The following CNTN1 variants were observed in gnomAD, a reference collection of about 807,000 sequenced individuals.
CNTN1 encodes the protein contactin 1, also known as contactin-1.
CNTN1 carries 38 observed loss-of-function variants against 126.4 expected under a neutral mutation model. The observed-to-expected ratio is 0.30, with a 90% CI of 0.23 to 0.39. The LOEUF is 0.39. CNTN1 is among the 10% of genes least tolerant of loss of function. CNTN1 has a pLI of 1.00. For missense variants in CNTN1, 1,009 were observed against 1,248.4 expected, an observed-to-expected ratio of 0.81 and a Z score of 2.89; for synonymous variants, 413 against 422.6, an observed-to-expected ratio of 0.98 and a Z score of 0.28.
intron 1 of CNTN1, among the ~76,000 whole-genome samples, chr12:40,907,069 G>A (rs1358131970): frequency 6.6e-6 from 1 of 152,146 alleles, no homozygotes; most frequent in South Asian, 2.1e-4. Context: ...ATGATTTAAT[G>A]TCTTTTCAAG....
chr12:41,023,302 T>C (rs928711506), intron 20 of CNTN1, among the ~76,000 whole-genome samples: 1 of 152,234 alleles, frequency 6.6e-6, no homozygotes, highest in Admixed American at 6.5e-5. Flanking sequence ...CAAATGAGAA[T>C]TGTGAGCAAT....
At chr12:40,940,761 A>G (rs1451121954) in intron 12 of CNTN1, among the ~76,000 whole-genome samples, 1 of 152,144 alleles carries the variant, frequency 6.6e-6, no homozygotes, top group Non-Finnish European at 1.5e-5. Flanking sequence ...TGACTTTTAA[A>G]GTTAATATGT....
At chr12:40,795,303 ACACACACACACACACATTT>A (rs1565746457) in intron 1 of CNTN1, among the ~76,000 whole-genome samples, 1 of 15,718 alleles carries the variant, frequency 6.4e-5, no homozygotes, top group Non-Finnish European at 1.6e-4. Context: ...ACACACACAC[ACACACACACACACACATTT>A]TTTTTTTTTT....
At chr12:41,024,673 G>A (rs566038953) in intron 20 of CNTN1, among the ~76,000 whole-genome samples, 28 of 152,240 alleles carry the variant, frequency 1.8e-4, no homozygotes, top group Non-Finnish European at 3.2e-4. Flanking sequence ...TTACTTTAGC[G>A]TATTCTAGGC....
In CNTN1 at chr12:40,913,055, T is replaced by C. The variant is rs549930914; in HGVS notation, c.94+2950T>C. On this transcript the variant is annotated intron_variant, in intron 3 of 23. Transcript: ENST00000551295. Reference sequence around the variant, plus strand: ...CAAGGAAGTAGTTCCTCTAGAGAGATGTGACAGGCTCCCCTTGGGCAGGTA... The same window carrying C: ...CAAGGAAGTAGTTCCTCTAGAGAGACGTGACAGGCTCCCCTTGGGCAGGTA... Among the ~76,000 whole-genome samples, 7 of 152,338 alleles carry C rather than the reference T, an allele frequency of 4.6e-5. No homozygotes were observed. In the South Asian group the frequency reaches 1.4e-3, roughly 32 times the overall value.
chr12:40,966,780 T>TAGA (rs1435177227), intron 15 of CNTN1, among the ~76,000 whole-genome samples: 1 of 152,210 alleles, frequency 6.6e-6, no homozygotes, highest in Non-Finnish European at 1.5e-5. Flanking sequence ...AAGATAGGTC[T>TAGA]TGAAAATTAT....
intron 23 of CNTN1, among the ~76,000 whole-genome samples, chr12:41,048,808 C>CA (rs1247372937): frequency 1.1e-4 from 16 of 151,756 alleles, no homozygotes; most frequent in Admixed American, 7.2e-4. Context: ...CGAAGAAAAA[C>CA]AAAAAAAGAA....
At chr12:40,990,632 T>C (rs530259178) in intron 16 of CNTN1, among the ~76,000 whole-genome samples, 1 of 152,312 alleles carries the variant, frequency 6.6e-6, no homozygotes, top group East Asian at 1.9e-4. Flanking sequence ...TTCCATTTGT[T>C]TGGGATATTT....
chr12:40,769,217 G>A (rs1314977903), intron 1 of CNTN1, among the ~76,000 whole-genome samples: 4 of 152,020 alleles, frequency 2.6e-5, no homozygotes, highest in Non-Finnish European at 5.9e-5. Context: ...ATAAAAATAA[G>A]CAGAATAATT....
At chr12:40,736,260 TA>T (rs1456667733) in intron 1 of CNTN1, among the ~76,000 whole-genome samples, 2 of 152,066 alleles carry the variant, frequency 1.3e-5, no homozygotes, top group Non-Finnish European at 2.9e-5. Context: ...TAGGCACAAG[TA>T]AAATGGACAG....
chr12:40,804,326 G>T (rs1940764654), intron 1 of CNTN1, among the ~76,000 whole-genome samples: 1 of 151,940 alleles, frequency 6.6e-6, no homozygotes. Flanking sequence ...TACATAAACA[G>T]TTCACAAGCC....
At chr12:41,005,540 A>T (rs1948468791) in intron 17 of CNTN1, among the ~76,000 whole-genome samples, 1 of 152,142 alleles carries the variant, frequency 6.6e-6, no homozygotes, top group Admixed American at 6.5e-5. Context: ...AGTTAGTTCC[A>T]TTCTTCCCAT....
At chr12:40,833,361 G>T (rs755051907) in intron 1 of CNTN1, among the ~76,000 whole-genome samples, 24 of 152,104 alleles carry the variant, frequency 1.6e-4, no homozygotes, top group Non-Finnish European at 3.5e-4. Flanking sequence ...CTCCCAAAGT[G>T]CTGAGATTAC....
chr12:40,702,767 G>A (rs1329777488), intron 1 of CNTN1, among the ~76,000 whole-genome samples: 1 of 152,144 alleles, frequency 6.6e-6, no homozygotes, highest in African/African-American at 2.4e-5. Context: ...ACGGTGTTCT[G>A]CCACTTCCTT....
chr12:40,839,036 A>G (rs1009370374), intron 1 of CNTN1, among the ~76,000 whole-genome samples: 14 of 152,218 alleles, frequency 9.2e-5, no homozygotes, highest in Non-Finnish European at 1.5e-4. Flanking sequence ...AAAACAATCC[A>G]GGATATGAAT....
At chr12:40,698,411 T>C (rs1200369742) in intron 1 of CNTN1, among the ~76,000 whole-genome samples, 1 of 151,842 alleles carries the variant, frequency 6.6e-6, no homozygotes, top group Non-Finnish European at 1.5e-5. Flanking sequence ...AATTTTTTTG[T>C]ATTTTTAGTA....
At chr12:40,745,730 C>T (rs904601699) in intron 1 of CNTN1, among the ~76,000 whole-genome samples, 13 of 152,136 alleles carry the variant, frequency 8.5e-5, no homozygotes, top group African/African-American at 3.1e-4. Flanking sequence ...GTAGTATTTT[C>T]CCCACAGAAG....
intron 1 of CNTN1, among the ~76,000 whole-genome samples, chr12:40,856,460 G>T (rs1211345039): frequency 1.3e-5 from 2 of 152,016 alleles, no homozygotes; most frequent in Non-Finnish European, 2.9e-5. Flanking sequence ...AGAATGATTT[G>T]CCTGGTATCT....
intron 17 of CNTN1, among the ~76,000 whole-genome samples, chr12:41,012,351 A>G (rs1948681810): frequency 6.6e-6 from 1 of 152,226 alleles, no homozygotes; most frequent in African/African-American, 2.4e-5. Context: ...ATCTTGCCAA[A>G]CAGGATTCCT....
Sources: allele counts gnomAD v4.1 joint callset (sites outside exome capture counted in the v4.1 genomes callset), GRCh38; gene constraint gnomAD v4.1.1; transcripts MANE v1.5; gene names NCBI Gene and HGNC (gene_info 2026-07-23, HGNC 2026-07-21).